PTPRM: variants seen among roughly 807,000 people sequenced by gnomAD.
The protein encoded by PTPRM is receptor-type tyrosine-protein phosphatase mu.
PTPRM carries 47 observed loss-of-function variants against 186.7 expected under a neutral mutation model. The ratio of observed to expected loss-of-function variants is 0.25; its 90% CI spans 0.20 to 0.32. The LOEUF is 0.32. Ranked by LOEUF, PTPRM falls within the 10% of genes least tolerant of loss-of-function variation. The pLI is 1.00. For missense variants in PTPRM, 1,494 were observed against 1,865.0 expected (o/e 0.80, Z 3.66); for synonymous variants, 668 against 674.9 (o/e 0.99, Z 0.16).
intron 13 of PTPRM, among the ~76,000 whole-genome samples, chr18:8,115,894 T>C (rs1457580846): frequency 9.9e-5 from 15 of 152,200 alleles, no homozygotes; most frequent in African/African-American, 3.1e-4. Context: ...CTTGGTTGCA[T>C]GTTTTGTGCC....
intron 11 of PTPRM, among the ~76,000 whole-genome samples, chr18:8,095,490 G>A (rs975534944): frequency 6.6e-6 from 1 of 152,226 alleles, no homozygotes; most frequent in South Asian, 2.1e-4. Context: ...AAGCAAGGGA[G>A]ATAGAGGATG....
chr18:7,815,668 G>A (rs539359258), intron 2 of PTPRM: 6 of 151,920 alleles, frequency 3.9e-5, no homozygotes, highest in African/African-American at 9.7e-5. Context: ...CGCTCTAGCC[G>A]GGCAATAATA....
chr18:8,337,316 G>A (rs959454942), intron 22 of PTPRM, among the ~76,000 whole-genome samples: 1 of 152,110 alleles, frequency 6.6e-6, no homozygotes, highest in Non-Finnish European at 1.5e-5. Flanking sequence ...ATCAGTTGAG[G>A]TTTAAGTGTC....
At chr18:8,029,777 G>A (rs2085835185) in intron 7 of PTPRM, among the ~76,000 whole-genome samples, 1 of 152,210 alleles carries the variant, frequency 6.6e-6, no homozygotes. Context: ...CTGGCACACA[G>A]TGAGCCTGCA....
At chr18:8,211,213 A>G (rs12967216) in intron 14 of PTPRM, among the ~76,000 whole-genome samples, 40,640 of 151,720 alleles carry the variant, frequency 0.27, 5,625 homozygotes, top group Middle Eastern at 0.5. Context: ...TTGCACAGGC[A>G]GGAATAGAGA....
At chr18:7,906,374 A>G (rs781309044) in intron 3 of PTPRM, 131 bp from the exon 4 acceptor site, 14 of 697,682 alleles carry the variant, frequency 2.0e-5, no homozygotes, top group Non-Finnish European at 3.3e-5. Flanking sequence ...AACATTGACT[A>G]GCAGATGTTA....
intron 1 of PTPRM, among the ~76,000 whole-genome samples, chr18:7,678,070 G>A (rs2039389220): frequency 6.6e-6 from 1 of 151,970 alleles, no homozygotes; most frequent in African/African-American, 2.4e-5. Context: ...GTGTATTTGT[G>A]GAATGAAAGA....
chr18:7,867,175 T>G (rs1026781097), intron 2 of PTPRM, among the ~76,000 whole-genome samples: 3 of 152,244 alleles, frequency 2.0e-5, no homozygotes, highest in Non-Finnish European at 4.4e-5. Context: ...TGCCTTTTAA[T>G]TGGGGCATTT....
chr18:7,783,662 T>C (rs606802), intron 2 of PTPRM, among the ~76,000 whole-genome samples: 102,146 of 151,604 alleles, frequency 0.67, 36,306 homozygotes, highest in East Asian at 0.98. Flanking sequence ...GCATCAAACT[T>C]GTGGGCTCAA....
intron 22 of PTPRM, among the ~76,000 whole-genome samples, chr18:8,336,246 G>A (rs2148201316): frequency 6.6e-6 from 1 of 152,128 alleles, no homozygotes; most frequent in Non-Finnish European, 1.5e-5. Context: ...TGAGATAGGT[G>A]GTTTTTCAAG....
chr18:8,107,983 T>C (rs1395064983), intron 11 of PTPRM, among the ~76,000 whole-genome samples: 3 of 152,186 alleles, frequency 2.0e-5, no homozygotes, highest in Non-Finnish European at 4.4e-5. Context: ...TCAGGTTGTT[T>C]AGAGTATTAG....
At chr18:8,228,182 G>A (rs2094238856) in intron 14 of PTPRM, among the ~76,000 whole-genome samples, 1 of 152,148 alleles carries the variant, frequency 6.6e-6, no homozygotes, top group Non-Finnish European at 1.5e-5. Flanking sequence ...CCTCTTATGT[G>A]CAGGTCTTGC....
chr18:7,916,919 G>A (rs1181833124), intron 4 of PTPRM, among the ~76,000 whole-genome samples: 1 of 152,082 alleles, frequency 6.6e-6, no homozygotes, highest in African/African-American at 2.4e-5. Context: ...CTGTAATTTT[G>A]TTTTCATTAG....
chr18:7,623,993 G>A (rs1259536214), intron 1 of PTPRM, among the ~76,000 whole-genome samples: 3 of 152,110 alleles, frequency 2.0e-5, no homozygotes, highest in African/African-American at 7.2e-5. Flanking sequence ...TGCAGGGGGT[G>A]GGGGTAACTA....
chr18:7,777,643 T>C (rs2042654476), intron 2 of PTPRM, among the ~76,000 whole-genome samples: 1 of 152,218 alleles, frequency 6.6e-6, no homozygotes, highest in Non-Finnish European at 1.5e-5. Flanking sequence ...TAATTATTAA[T>C]ATACAAACAT....
At chr18:8,262,464 G>A (rs2094643693) in intron 19 of PTPRM, among the ~76,000 whole-genome samples, 1 of 152,198 alleles carries the variant, frequency 6.6e-6, no homozygotes, top group African/African-American at 2.4e-5. Flanking sequence ...CCACCGTGCA[G>A]GCTGTGCTCT....
chr18:7,716,976 C>A (rs181354567), intron 1 of PTPRM, among the ~76,000 whole-genome samples: 3 of 152,104 alleles, frequency 2.0e-5, no homozygotes, highest in African/African-American at 4.8e-5. Context: ...GGGTATATAC[C>A]CAAAGGATTA....
chr18:8,390,971 A>AATAATAAT (rs1568894174), intron 31 of PTPRM, among the ~76,000 whole-genome samples: 66 of 117,364 alleles, frequency 5.6e-4, no homozygotes, highest in African/African-American at 1.8e-3. Flanking sequence ...ATAATAATAA[A>AATAATAAT]GATGTCCCGA....
At chr18:8,032,650 T>C (rs1471264667) in intron 7 of PTPRM, among the ~76,000 whole-genome samples, 1 of 152,052 alleles carries the variant, frequency 6.6e-6, no homozygotes, top group East Asian at 1.9e-4. Context: ...GTGAAACTAA[T>C]AAAAAATAAA....
Sources: allele counts gnomAD v4.1 joint callset (sites outside exome capture counted in the v4.1 genomes callset), GRCh38; gene constraint gnomAD v4.1.1; transcripts MANE v1.5; gene names NCBI Gene and HGNC (gene_info 2026-07-23, HGNC 2026-07-21).